The following KLHL29 variants were observed in gnomAD, a reference collection of about 807,000 sequenced individuals.
KLHL29 encodes kelch like family member 29.
KLHL29 carries 21 observed loss-of-function variants against 80.4 expected under a neutral mutation model. The observed-to-expected ratio is 0.26, with a 90% CI of 0.19 to 0.38. KLHL29 has a LOEUF of 0.38. Among genes scored for constraint, KLHL29 ranks in the 10% least tolerant of loss-of-function variants. The pLI, the probability that KLHL29 is intolerant of heterozygous loss-of-function variation, is 1.00. For missense variants in KLHL29, 867 were observed against 1,223.9 expected (o/e 0.71, Z 4.35); for synonymous variants, 511 against 526.8 (o/e 0.97, Z 0.41).
intron 1 of KLHL29, among the ~76,000 whole-genome samples, chr2:23,402,151 G>A (rs1666612537): frequency 6.6e-6 from 1 of 152,194 alleles, no homozygotes; most frequent in African/African-American, 2.4e-5. Context: ...TCGAGGACCG[G>A]CAGGAGGAGG....
intron 1 of KLHL29, among the ~76,000 whole-genome samples, chr2:23,472,633 CA>C (rs1664526283): frequency 1.4e-5 from 2 of 145,260 alleles, no homozygotes; most frequent in Non-Finnish European, 3.1e-5. Flanking sequence ...GACTCCATCT[CA>C]AAACAAAACA....
chr2:23,597,395 ATATATATATATATTTTTT>A (rs1668446436), intron 3 of KLHL29, among the ~76,000 whole-genome samples: 1 of 89,308 alleles, frequency 1.1e-5, no homozygotes, highest in East Asian at 3.0e-4. Flanking sequence ...ATATATATAT[ATATATATATATATTTTTT>A]TTTTTTTTTT....
chr2:23,607,965 A>G (rs564624192), intron 3 of KLHL29, among the ~76,000 whole-genome samples: 10 of 136,796 alleles, frequency 7.3e-5, no homozygotes, highest in Middle Eastern at 3.7e-3. Flanking sequence ...CGTTCCCCCA[A>G]TTTATATGTT....
At chr2:23,468,169 G>A (rs555177791) in intron 1 of KLHL29, among the ~76,000 whole-genome samples, 1 of 152,228 alleles carries the variant, frequency 6.6e-6, no homozygotes, top group South Asian at 2.1e-4. Flanking sequence ...CTTGAGGCAG[G>A]GACTGGGAGT....
At chr2:23,421,995 C>G (rs200626715) in intron 1 of KLHL29, among the ~76,000 whole-genome samples, 9 of 113,298 alleles carry the variant, frequency 7.9e-5, no homozygotes, top group African/African-American at 3.3e-4. Context: ...ATGTGTTTGT[C>G]TCTGTCAGTG....
At chr2:23,440,581 T>C (rs1663486594) in intron 1 of KLHL29, among the ~76,000 whole-genome samples, 1 of 152,148 alleles carries the variant, frequency 6.6e-6, no homozygotes, top group Non-Finnish European at 1.5e-5. Context: ...CCTACTCATC[T>C]GACAAAGGGC....
intron 3 of KLHL29, among the ~76,000 whole-genome samples, chr2:23,585,432 A>G (rs777964680): frequency 2.1e-4 from 32 of 152,208 alleles, no homozygotes; most frequent in Non-Finnish European, 3.8e-4. Context: ...CTGTGCCACC[A>G]GGCCCTGTTC....
intron 2 of KLHL29, among the ~76,000 whole-genome samples, chr2:23,555,443 C>T (rs1667261194): frequency 6.6e-6 from 1 of 152,206 alleles, no homozygotes; most frequent in Admixed American, 6.5e-5. Context: ...GAAGGAGCCC[C>T]TGGGGACAGG....
chr2:23,590,747 AC>A lies in KLHL29; in HGVS notation c.285+28269del, dbSNP rs143700906. 1.2e-3 allele frequency among the ~76,000 whole-genome samples: 185 copies of A among 152,250 alleles called. 1 individual carries two copies. The highest frequency in any genetic ancestry group is 4.2e-3 in the African/African-American group (175 of 41,548). ...AACCCAATCCCCTACATGGCCCAGG[AC>A]CCAAGCAAGGCAGGGAGAGTGCGCC... On this transcript the variant is annotated intron_variant, in intron 3 of 13. Coordinates refer to ENST00000486442, the MANE Select transcript of KLHL29 (RefSeq NM_052920.2).
intron 1 of KLHL29, among the ~76,000 whole-genome samples, chr2:23,450,211 C>G (rs1453709416): frequency 2.0e-5 from 3 of 152,106 alleles, no homozygotes; most frequent in Non-Finnish European, 4.4e-5. Flanking sequence ...CATCTCGCCT[C>G]TCGGTGAGAC....
At chr2:23,408,799 G>A (rs770772938) in intron 1 of KLHL29, among the ~76,000 whole-genome samples, 1 of 152,084 alleles carries the variant, frequency 6.6e-6, no homozygotes, top group African/African-American at 2.4e-5. Context: ...ACGGCCTCTC[G>A]TTGTGTCTTC....
At chr2:23,565,694 G>C (rs989464189) in intron 3 of KLHL29, among the ~76,000 whole-genome samples, 1 of 152,188 alleles carries the variant, frequency 6.6e-6, no homozygotes, top group Non-Finnish European at 1.5e-5. Context: ...GAGGTTGGCC[G>C]GGTAGAAGCC....
intron 3 of KLHL29, among the ~76,000 whole-genome samples, chr2:23,626,188 C>T (rs983367838): frequency 1.3e-5 from 2 of 152,238 alleles, no homozygotes; most frequent in African/African-American, 4.8e-5. Flanking sequence ...GGATCCCTCT[C>T]ATGCACAGTT....
intron 2 of KLHL29, chr2:23,532,456 C>A: frequency 2.4e-6 from 1 of 414,720 alleles, no homozygotes. Flanking sequence ...CCTCTGCACC[C>A]AGGGCAGCAC....
chr2:23,634,720 G>A (rs1040866271), intron 3 of KLHL29, among the ~76,000 whole-genome samples: 6 of 152,136 alleles, frequency 3.9e-5, no homozygotes, highest in Non-Finnish European at 7.3e-5. Flanking sequence ...CAGCATCCAG[G>A]GCAACAGTGT....
intron 13 of KLHL29, among the ~76,000 whole-genome samples, chr2:23,705,906 C>G (rs1380491309): frequency 6.6e-6 from 1 of 152,134 alleles, no homozygotes; most frequent in Non-Finnish European, 1.5e-5. Context: ...CAGGAGCAAG[C>G]CAGTGAGTGT....
intron 1 of KLHL29, among the ~76,000 whole-genome samples, chr2:23,470,320 T>C (rs1162407946): frequency 1.3e-5 from 2 of 152,096 alleles, no homozygotes; most frequent in African/African-American, 4.8e-5. Flanking sequence ...CAGAAAGAAG[T>C]GTCCAGGGAG....
intron 5 of KLHL29, among the ~76,000 whole-genome samples, chr2:23,655,842 G>A (rs1231121184): frequency 2.6e-5 from 4 of 152,132 alleles, no homozygotes; most frequent in Admixed American, 6.6e-5. Flanking sequence ...AGTGAGTGCA[G>A]TCAGTGAGCT....
chr2:23,555,786 G>A (rs888556854), intron 2 of KLHL29, among the ~76,000 whole-genome samples: 62 of 152,334 alleles, frequency 4.1e-4, no homozygotes, highest in African/African-American at 1.4e-3. Flanking sequence ...CGGGGATGCT[G>A]TTGGGCACAC....
Sources: gnomAD v4.1 joint callset for allele counts (sites outside exome capture counted in the v4.1 genomes callset) on GRCh38, gnomAD v4.1.1 for gene constraint, MANE v1.5 for transcripts, NCBI Gene and HGNC (gene_info 2026-07-23, HGNC 2026-07-21) for gene names.